Variants in TRIM24 observed in about 807,000 individuals in gnomAD.
TRIM24 encodes transcription intermediary factor 1-alpha.
TRIM24 carries 29 observed loss-of-function variants against 123.9 expected under a neutral mutation model. The ratio of observed to expected loss-of-function variants is 0.23; its 90% CI spans 0.17 to 0.32. TRIM24 has a LOEUF of 0.32. Among genes scored for constraint, TRIM24 ranks in the 10% least tolerant of loss-of-function variants. The pLI is 1.00. For synonymous variants in TRIM24, 456 were observed against 461.1 expected, an observed-to-expected ratio of 0.99 and a Z score of 0.14; for missense variants, 932 against 1,295.3, an observed-to-expected ratio of 0.72 and a Z score of 4.31.
At chr7:138,534,883 A>G (rs1022198198) in intron 6 of TRIM24, among the ~76,000 whole-genome samples, 4 of 152,168 alleles carry the variant, frequency 2.6e-5, no homozygotes, top group African/African-American at 9.7e-5. Context: ...GACTTGCTTT[A>G]TGAATCTGGG....
Position 138,504,308 on chromosome 7 carries a change from C to T in TRIM24, c.383C>T (p.Pro128Leu). ...TTCCCAGTTGGAGTCATTCGTTGCC[C>T]AGTTTGCAGCCAAGAATGTGCAGAG... is the stretch of plus-strand genomic sequence containing the variant. ...FATQVGVIRC[P>L]VCSQECAERH... Residue 128 changes from proline (P) to leucine (L), a missense_variant, in exon 2 of 19, where the codon CCA (proline) becomes CTA (leucine). Coordinates refer to ENST00000343526, the MANE Select transcript of TRIM24 (RefSeq NM_015905.3). 3 of 1,589,388 alleles carry T rather than the reference C, an allele frequency of 1.9e-6. No individual in the cohort carries two copies. Among genetic ancestry groups the T allele is most frequent in the Non-Finnish European group, 2.6e-6 (3 of 1,171,300 alleles).
chr7:138,566,842 C>T (rs1163194281), intron 9 of TRIM24, among the ~76,000 whole-genome samples: 2 of 152,064 alleles, frequency 1.3e-5, no homozygotes, highest in Non-Finnish European at 2.9e-5. Flanking sequence ...TCATTATTAA[C>T]GATTTGTTCA....
intron 6 of TRIM24, among the ~76,000 whole-genome samples, chr7:138,537,178 C>G (rs1250927629): frequency 1.3e-5 from 2 of 152,082 alleles, no homozygotes; most frequent in African/African-American, 4.8e-5. Context: ...GAGGCGATAC[C>G]TTGCCCTGCT....
chr7:138,473,266 C>T (rs189888385), intron 1 of TRIM24, among the ~76,000 whole-genome samples: 15 of 152,222 alleles, frequency 9.9e-5, no homozygotes, highest in East Asian at 1.9e-4. Context: ...GGTGACAGAA[C>T]GAGACTCTGT....
chr7:138,553,171 T>TTACCCC (rs1172513665), intron 8 of TRIM24, among the ~76,000 whole-genome samples: 5 of 152,204 alleles, frequency 3.3e-5, no homozygotes, highest in African/African-American at 1.2e-4. Flanking sequence ...GAGCTGTCAT[T>TTACCCC]TACAGCACTG....
In TRIM24 at chr7:138,460,449, A is replaced by G. The variant is rs2116427790; in HGVS notation, c.-100A>G. 3 of 1,182,516 alleles carry G rather than the reference A, an allele frequency of 2.5e-6. No homozygotes were observed. In the South Asian group the frequency reaches 1.2e-4, roughly 46 times the overall value. The allele number at this position is 1,182,516 out of a possible 1,614,324, so 73.3% of individuals were successfully genotyped here. ...CGCTGGCGCTGCCGCGAGTCCACCG[A>G]GCGGCCTCTGAGGAGCAGCCGCAGG... On this transcript the variant is annotated 5_prime_UTR_variant, in exon 1 of 19. Transcript: ENST00000343526.
At chr7:138,562,992 C>T (rs1345810241) in intron 9 of TRIM24, among the ~76,000 whole-genome samples, 1 of 152,198 alleles carries the variant, frequency 6.6e-6, no homozygotes, top group African/African-American at 2.4e-5. Context: ...CTATAACGAA[C>T]CTCCTTGGCC....
At chr7:138,539,550 A>G (rs117365308) in intron 7 of TRIM24, among the ~76,000 whole-genome samples, 1,978 of 152,190 alleles carry the variant, frequency 0.013, 23 homozygotes, top group Middle Eastern at 0.037. Flanking sequence ...ATTTAGCTAC[A>G]TTCTTAAAAA....
At chr7:138,545,054 T>C (rs2116619916) in intron 7 of TRIM24, among the ~76,000 whole-genome samples, 1 of 152,328 alleles carries the variant, frequency 6.6e-6, no homozygotes, top group East Asian at 1.9e-4. Context: ...ATAAAATTGC[T>C]TTCAGGCTAT....
intron 4 of TRIM24, among the ~76,000 whole-genome samples, chr7:138,522,508 A>T (rs546338439): frequency 6.6e-6 from 1 of 152,222 alleles, no homozygotes; most frequent in Non-Finnish European, 1.5e-5. Flanking sequence ...TTTGGAAATG[A>T]AATTCTTGTG....
intron 13 of TRIM24, among the ~76,000 whole-genome samples, chr7:138,576,834 T>C (rs1343947473): frequency 6.6e-6 from 1 of 152,198 alleles, no homozygotes; most frequent in East Asian, 1.9e-4. Flanking sequence ...TATACAGTTA[T>C]TGAAATTCTA....
chr7:138,481,003 A>G (rs1442883578), intron 1 of TRIM24, among the ~76,000 whole-genome samples: 1 of 150,640 alleles, frequency 6.6e-6, no homozygotes, highest in Non-Finnish European at 1.5e-5. Context: ...TATTATTATT[A>G]TTTTTTAAGA....
At chr7:138,562,133 T>A (rs932048246) in intron 9 of TRIM24, among the ~76,000 whole-genome samples, 8 of 152,228 alleles carry the variant, frequency 5.3e-5, no homozygotes, top group Admixed American at 3.9e-4. Flanking sequence ...TTGAAAGCAG[T>A]CTTCTTGGGT....
chr7:138,465,673 A>G (rs1339452948), intron 1 of TRIM24, among the ~76,000 whole-genome samples: 3 of 152,194 alleles, frequency 2.0e-5, no homozygotes, highest in South Asian at 2.1e-4. Context: ...CATGAGTGCA[A>G]TCTTTAATGG....
At chr7:138,501,513 G>C (rs1796039333) in intron 1 of TRIM24, among the ~76,000 whole-genome samples, 1 of 152,112 alleles carries the variant, frequency 6.6e-6, no homozygotes, top group African/African-American at 2.4e-5. Flanking sequence ...TTACAGGTGT[G>C]AGCCACCACA....
chr7:138,564,396 T>C (rs1231417815), intron 9 of TRIM24, among the ~76,000 whole-genome samples: 2 of 152,206 alleles, frequency 1.3e-5, no homozygotes, highest in African/African-American at 2.4e-5. Flanking sequence ...TTGGGGGCCG[T>C]TGGCCTCAGT....
At chr7:138,503,157 A>AT (rs1478348679) in intron 1 of TRIM24, among the ~76,000 whole-genome samples, 1 of 51,226 alleles carries the variant, frequency 2.0e-5, no homozygotes, top group African/African-American at 8.8e-5. Context: ...TAAGCCTTAA[A>AT]AAAATCACAC....
At chr7:138,464,187 G>A (rs1025151614) in intron 1 of TRIM24, among the ~76,000 whole-genome samples, 7 of 151,086 alleles carry the variant, frequency 4.6e-5, no homozygotes, top group African/African-American at 1.2e-4. Context: ...TAGTAGAGAC[G>A]GGGTTTCACC....
chr7:138,492,702 C>T (rs1293101132), intron 1 of TRIM24, among the ~76,000 whole-genome samples: 1 of 152,146 alleles, frequency 6.6e-6, no homozygotes, highest in Non-Finnish European at 1.5e-5. Context: ...AATAAGCCAT[C>T]CCTTAGACGT....
Sources: gnomAD v4.1 joint callset for allele counts (sites outside exome capture counted in the v4.1 genomes callset) on GRCh38, gnomAD v4.1.1 for gene constraint, MANE v1.5 for transcripts, NCBI Gene and HGNC (gene_info 2026-07-23, HGNC 2026-07-21) for gene names.